Variants in CCSER1 observed in about 807,000 individuals in gnomAD.
The protein encoded by CCSER1 is coiled-coil serine rich protein 1, also known as serine-rich coiled-coil domain-containing protein 1.
CCSER1 carries 41 observed loss-of-function variants against 82.0 expected under a neutral mutation model. That is an observed-to-expected ratio of 0.50 (90% confidence interval 0.39 to 0.65). CCSER1 has a LOEUF of 0.65. CCSER1 is among the 30% of genes least tolerant of loss of function. The pLI is 0.00. For synonymous variants in CCSER1, 414 were observed against 383.9 expected, an observed-to-expected ratio of 1.08 and a Z score of -0.92; for missense variants, 1,119 against 1,064.2, an observed-to-expected ratio of 1.05 and a Z score of -0.72.
chr4:90,760,663 C>T (rs1337476335), intron 7 of CCSER1, among the ~76,000 whole-genome samples: 1 of 151,826 alleles, frequency 6.6e-6, no homozygotes, highest in Non-Finnish European at 1.5e-5. Context: ...ATTAAGGAAC[C>T]AAATAGTCTA....
At chr4:91,041,625 T>C (rs997901225) in intron 9 of CCSER1, among the ~76,000 whole-genome samples, 1 of 152,114 alleles carries the variant, frequency 6.6e-6, no homozygotes, top group Non-Finnish European at 1.5e-5. Flanking sequence ...TACCAGGTGT[T>C]ACAGGCTTAC....
intron 10 of CCSER1, among the ~76,000 whole-genome samples, chr4:91,101,400 A>G (rs1301233109): frequency 6.6e-6 from 1 of 152,358 alleles, no homozygotes; most frequent in Non-Finnish European, 1.5e-5. Context: ...AGAGCACATG[A>G]AAATTTTGCT....
intron 10 of CCSER1, among the ~76,000 whole-genome samples, chr4:91,166,664 G>A (rs1235914893): frequency 6.6e-6 from 1 of 151,946 alleles, no homozygotes; most frequent in African/African-American, 2.4e-5. Flanking sequence ...TTTATTTTGT[G>A]GCAAGTCATT....
intron 9 of CCSER1, among the ~76,000 whole-genome samples, chr4:91,016,687 A>C (rs145585837): frequency 6.6e-5 from 10 of 152,244 alleles, no homozygotes; most frequent in Non-Finnish European, 1.3e-4. Context: ...AAAATACAAA[A>C]GGAAATTTCT....
intron 5 of CCSER1, among the ~76,000 whole-genome samples, chr4:90,598,252 T>A (rs1388092447): frequency 6.6e-6 from 1 of 151,990 alleles, no homozygotes; most frequent in Non-Finnish European, 1.5e-5. Context: ...TTTATTTTTT[T>A]ATTATTATTT....
At position 91,235,568 on chromosome 4, in the gene CCSER1, A is replaced by T. The variant is rs1263084883; in HGVS notation, c.2217+149574A>T. On this transcript the variant is annotated intron_variant, in intron 10 of 10. Coordinates refer to ENST00000509176, the MANE Select transcript of CCSER1 (RefSeq NM_001145065.2). ...CTATCTTCATGATATATTAGATTTA[A>T]ATTGGGACAAAAATCAACGTATCTT... 3.3e-5 allele frequency among the ~76,000 whole-genome samples: 5 copies of T among 152,130 alleles called. 1 individual carries two copies. Among genetic ancestry groups the T allele is most frequent in the Admixed American group, 6.6e-5 (1 of 15,266 alleles).
chr4:90,566,532 G>A (rs1206827670), intron 5 of CCSER1, among the ~76,000 whole-genome samples: 2 of 149,942 alleles, frequency 1.3e-5, no homozygotes, highest in East Asian at 3.9e-4. Context: ...GTATCTTACT[G>A]TATGCATCAA....
At chr4:90,231,621 G>A (rs961293619) in intron 1 of CCSER1, among the ~76,000 whole-genome samples, 6 of 147,708 alleles carry the variant, frequency 4.1e-5, no homozygotes, top group African/African-American at 1.3e-4. Flanking sequence ...GTTCTGGCCA[G>A]GGCAATCAGG....
At chr4:90,946,089 A>T in intron 9 of CCSER1, among the ~76,000 whole-genome samples, 1 of 152,168 alleles carries the variant, frequency 6.6e-6, no homozygotes, top group Non-Finnish European at 1.5e-5. Context: ...TTAATAAGAT[A>T]ACTTTTTGCC....
intron 1 of CCSER1, among the ~76,000 whole-genome samples, chr4:90,191,381 G>GC (rs534210935): frequency 1.3e-5 from 2 of 151,972 alleles, no homozygotes; most frequent in South Asian, 2.1e-4. Flanking sequence ...GAGGTTTTTT[G>GC]CCCCCCAGTT....
chr4:90,259,889 G>A (rs910072450), intron 1 of CCSER1, among the ~76,000 whole-genome samples: 4 of 151,982 alleles, frequency 2.6e-5, no homozygotes, highest in African/African-American at 7.2e-5. Context: ...GATGATTTTT[G>A]CATCTATGTT....
chr4:91,165,521 GC>G (rs1405833833), intron 10 of CCSER1, among the ~76,000 whole-genome samples: 5 of 152,192 alleles, frequency 3.3e-5, no homozygotes, highest in Non-Finnish European at 7.3e-5. Context: ...GTTCAGCCAT[GC>G]CCTGCTCCCA....
At chr4:91,296,246 A>C (rs1220507928) in intron 10 of CCSER1, among the ~76,000 whole-genome samples, 1 of 151,530 alleles carries the variant, frequency 6.6e-6, no homozygotes, top group Non-Finnish European at 1.5e-5. Flanking sequence ...GAGAAAGCTC[A>C]TTTTATTAGA....
chr4:90,298,654 C>A (rs541921888), intron 1 of CCSER1, among the ~76,000 whole-genome samples: 1 of 152,056 alleles, frequency 6.6e-6, no homozygotes, highest in Non-Finnish European at 1.5e-5. Context: ...TCCCTCTACA[C>A]ACTGCTTTGA....
chr4:91,438,167 C>A (rs894981892), intron 10 of CCSER1, among the ~76,000 whole-genome samples: 1 of 152,236 alleles, frequency 6.6e-6, no homozygotes, highest in Non-Finnish European at 1.5e-5. Context: ...TGAGAATGGG[C>A]AGACTACCTC....
At chr4:91,116,800 G>A (rs17183429) in intron 10 of CCSER1, among the ~76,000 whole-genome samples, 45,489 of 152,042 alleles carry the variant, frequency 0.3, 8,039 homozygotes, top group East Asian at 0.46. Context: ...CAACCTGCAT[G>A]AAGAATTAGT....
chr4:91,132,548 G>T (rs954537684), intron 10 of CCSER1, among the ~76,000 whole-genome samples: 3 of 152,146 alleles, frequency 2.0e-5, no homozygotes, highest in Non-Finnish European at 2.9e-5. Context: ...TACCAAGCAT[G>T]TTTTATTTTC....
chr4:91,371,469 C>A (rs77752920), intron 10 of CCSER1, among the ~76,000 whole-genome samples: 10,627 of 152,028 alleles, frequency 0.07, 1,248 homozygotes, highest in African/African-American at 0.24. Context: ...AACATAATGT[C>A]CTTCAGTTCC....
At chr4:91,192,821 G>A (rs1221380647) in intron 10 of CCSER1, among the ~76,000 whole-genome samples, 1 of 151,590 alleles carries the variant, frequency 6.6e-6, no homozygotes, top group Non-Finnish European at 1.5e-5. Context: ...CTTAATTTTT[G>A]TAATGTCTAC....
Sources: gnomAD v4.1 joint callset for allele counts (sites outside exome capture counted in the v4.1 genomes callset) on GRCh38, gnomAD v4.1.1 for gene constraint, MANE v1.5 for transcripts, NCBI Gene and HGNC (gene_info 2026-07-23, HGNC 2026-07-21) for gene names.